TSPAN3: variants seen among roughly 807,000 people sequenced by gnomAD.
The protein encoded by TSPAN3 is tetraspanin 3, also known as tetraspanin-3.
In TSPAN3, 9 loss-of-function variants were observed where a neutral mutation model predicts 31.1. The ratio of observed to expected loss-of-function variants is 0.29; its 90% confidence interval spans 0.17 to 0.50. The LOEUF (loss-of-function observed/expected upper bound fraction) is 0.50, where lower values mean the gene tolerates loss of function less well. Ranked by LOEUF, TSPAN3 falls within the 20% of genes least tolerant of loss-of-function variation. TSPAN3 has a pLI of 0.98. For synonymous variants in TSPAN3, 129 were observed against 114.3 expected (o/e 1.13, Z -0.82); for missense variants, 252 against 313.5 (o/e 0.80, Z 1.48).
In TSPAN3 at chr15:77,071,068, C is replaced by CCGCAGCCCCTGCGCCGTCG. The variant is rs1272759858; in HGVS notation, c.-133_-115dup. 8.7e-6 allele frequency: 6 copies of CCGCAGCCCCTGCGCCGTCG among 686,684 alleles called. No homozygotes were observed. Among genetic ancestry groups the CCGCAGCCCCTGCGCCGTCG allele is most frequent in the African/African-American group, 5.8e-5 (3 of 52,028 alleles). 42.5% of individuals were successfully genotyped at this position (686,684 alleles called of 1,614,324 possible). ...AACTGCACGGCCTGCGCGGCGCTCC[C>CCGCAGCCCCTGCGCCGTCG]CGCAGCCCCTGCGCCGTCGCGCAGC... On this transcript the variant is annotated 5_prime_UTR_variant, in exon 1 of 7. Transcript: ENST00000267970.
intron 1 of TSPAN3, among the ~76,000 whole-genome samples, chr15:77,061,343 C>T (rs2152697205): frequency 6.6e-6 from 1 of 152,284 alleles, no homozygotes; most frequent in Non-Finnish European, 1.5e-5. Context: ...GCCTGACCAA[C>T]ATGCAGAAAC....
At chr15:77,060,905 A>C (rs1370405607) in intron 1 of TSPAN3, among the ~76,000 whole-genome samples, 3 of 152,212 alleles carry the variant, frequency 2.0e-5, no homozygotes, top group Non-Finnish European at 4.4e-5. Context: ...TTACAGAAAG[A>C]ATAATTTTTA....
At position 77,041,763 on chromosome 15, in the gene TSPAN3, G is replaced by A. The variant is rs1274016877; in HGVS notation, c.*5072C>T. ...AGTTCATGTAAAAATACATGACACAGGGTGATGAAAGTGCTTTGAAACTAG... is the reference window on the plus strand; with the variant it reads ...AGTTCATGTAAAAATACATGACACAAGGTGATGAAAGTGCTTTGAAACTAG... On this transcript the variant is annotated 3_prime_UTR_variant, in exon 7 of 7. Transcript: ENST00000267970. The A allele has an allele frequency of 1.3e-5, 2 of 152,180 alleles. No individual in the cohort carries two copies. Among genetic ancestry groups the A allele is most frequent in the Admixed American group, 6.5e-5 (1 of 15,276 alleles). The allele number at this position is 152,180 out of a possible 1,614,324, so 9.4% of individuals were successfully genotyped here. A position where few individuals can be genotyped will look rare whatever the true frequency, so the allele number is the denominator to read the frequency against.
Position 77,041,994 on chromosome 15 carries a change from A to G in TSPAN3, c.*4841T>C, listed in dbSNP as rs2076662914. The G allele has an allele frequency of 6.6e-6, 1 of 152,202 alleles. No homozygotes were observed. The highest frequency in any genetic ancestry group is 1.5e-5 in the Non-Finnish European group (1 of 68,038). The allele number at this position is 152,202 out of a possible 1,614,324, so 9.4% of individuals were successfully genotyped here. On this transcript the variant is annotated 3_prime_UTR_variant, in exon 7 of 7. Coordinates refer to ENST00000267970, the MANE Select transcript of TSPAN3 (RefSeq NM_005724.6). ...GGCAGCCTGCAGGCCTGCCCTTTATACACCTTGGTTAATCATGGTACTAAT... is the reference window on the plus strand; with the variant it reads ...GGCAGCCTGCAGGCCTGCCCTTTATGCACCTTGGTTAATCATGGTACTAAT...
intron 6 of TSPAN3, among the ~76,000 whole-genome samples, chr15:77,049,639 A>G (rs1189573522): frequency 1.3e-5 from 2 of 152,178 alleles, no homozygotes; most frequent in African/African-American, 4.8e-5. Flanking sequence ...TTTATATTCA[A>G]AAGTCCTGTT....
In TSPAN3 at chr15:77,046,959, G is replaced by C. The variant is rs539622072; in HGVS notation, c.670-32C>G. 8.5e-6 allele frequency: 13 copies of C among 1,525,562 alleles called. No homozygotes were observed. In the East Asian group the frequency reaches 2.9e-4, roughly 34 times the overall value. The allele number at this position is 1,525,562 out of a possible 1,614,324, so 94.5% of individuals were successfully genotyped here. A position where few individuals can be genotyped will look rare whatever the true frequency, so the allele number is the denominator to read the frequency against. The stretch of plus-strand genomic sequence containing the variant: ...AAAGAAAACAACAATGGGGAAAAAA[G>C]GCTGAAAACCCTCTCATGGCAGGTG... On this transcript the variant is annotated intron_variant, in intron 6 of 6. Transcript: ENST00000267970.
chr15:77,052,936 G>T lies in TSPAN3; in HGVS notation c.433-7C>A. Reference sequence around the variant, plus strand: ...GAATTCCACAACAATGCAGCTAAAGGAGAAGAGAATAAGTATTATTTCTCA... The same window carrying T: ...GAATTCCACAACAATGCAGCTAAAGTAGAAGAGAATAAGTATTATTTCTCA... On this transcript the variant is annotated splice_polypyrimidine_tract_variant and splice_region_variant and intron_variant, in intron 4 of 6. Coordinates refer to ENST00000267970, the MANE Select transcript of TSPAN3 (RefSeq NM_005724.6). 1 of 1,611,328 alleles carries T rather than the reference G, an allele frequency of 6.2e-7. No homozygotes were observed. The highest frequency in any genetic ancestry group is 1.1e-5 in the South Asian group (1 of 90,732).
At chr15:77,059,318 G>C (rs563345598) in intron 1 of TSPAN3, among the ~76,000 whole-genome samples, 11 of 152,164 alleles carry the variant, frequency 7.2e-5, no homozygotes, top group African/African-American at 1.2e-4. Flanking sequence ...TCCTGACCTC[G>C]TGATCCGCCC....
At chr15:77,063,298 AGTTT>A (rs984070523) in intron 1 of TSPAN3, 5 of 152,178 alleles carry the variant, frequency 3.3e-5, no homozygotes, top group African/African-American at 1.2e-4. Context: ...CAAGGAGACA[AGTTT>A]TTTTTAAAGT....
rs1031635643 is a variant in TSPAN3 at position 77,041,742 on chromosome 15, C to G, written c.*5093G>C. On this transcript the variant is annotated 3_prime_UTR_variant, in exon 7 of 7. Coordinates refer to ENST00000267970, the MANE Select transcript of TSPAN3 (RefSeq NM_005724.6). Reference sequence around the variant, plus strand: ...CTAACAAGAATCCACCCTTGGAGTTCATGTAAAAATACATGACACAGGGTG... The same window carrying G: ...CTAACAAGAATCCACCCTTGGAGTTGATGTAAAAATACATGACACAGGGTG... 1 of 152,108 alleles carries G rather than the reference C, an allele frequency of 6.6e-6. No homozygotes were observed. Among genetic ancestry groups the G allele is most frequent in the Non-Finnish European group, 1.5e-5 (1 of 68,024 alleles). 9.4% of individuals were successfully genotyped at this position (152,108 alleles called of 1,614,324 possible). A position where few individuals can be genotyped will look rare whatever the true frequency, so the allele number is the denominator to read the frequency against.
rs578251119 is a variant in TSPAN3 at position 77,065,509 on chromosome 15, C to T, written c.63+5383G>A. Among the ~76,000 whole-genome samples the T allele has an allele frequency of 5.3e-5, 8 of 152,274 alleles. No individual in the cohort carries two copies. The East Asian group carries it at 1.5e-3, about 29-fold the overall frequency. On this transcript the variant is annotated intron_variant, in intron 1 of 6. Transcript: ENST00000267970. ...TGGCTCGATCGCCGCTCACTACAAGCTCCGCCTCCCGGGTTCACGCCATGC... is the reference window on the plus strand; with the variant it reads ...TGGCTCGATCGCCGCTCACTACAAGTTCCGCCTCCCGGGTTCACGCCATGC...
rs933384540 is a variant in TSPAN3, at chr15:77,045,556, C to T, written c.*1279G>A. The stretch of plus-strand genomic sequence containing the variant: ...CTTTCCTGCTTCTCCAACTTCTTTC[C>T]CCAGCCTTGTATTTTAAGCTCCCTG... On this transcript the variant is annotated 3_prime_UTR_variant, in exon 7 of 7. Coordinates refer to ENST00000267970, the MANE Select transcript of TSPAN3 (RefSeq NM_005724.6). The T allele has an allele frequency of 1.3e-5, 2 of 152,396 alleles. No individual in the cohort carries two copies. Among genetic ancestry groups the T allele is most frequent in the Admixed American group, 6.5e-5 (1 of 15,278 alleles). 9.4% of individuals were successfully genotyped at this position (152,396 alleles called of 1,614,324 possible).
chr15:77,047,196 C>T (rs546688796), intron 6 of TSPAN3, among the ~76,000 whole-genome samples: 147 of 152,298 alleles, frequency 9.7e-4, no homozygotes, highest in African/African-American at 3.3e-3. Context: ...ACTAGTCTAG[C>T]GAGTGCTGTC....
At chr15:77,060,866 A>C (rs2076796387) in intron 1 of TSPAN3, among the ~76,000 whole-genome samples, 1 of 152,236 alleles carries the variant, frequency 6.6e-6, no homozygotes, top group African/African-American at 2.4e-5. Context: ...AAGTGAAAGG[A>C]AATTTAGGCA....
intron 6 of TSPAN3, among the ~76,000 whole-genome samples, chr15:77,047,391 G>C (rs1205104556): frequency 6.6e-6 from 1 of 152,196 alleles, no homozygotes; most frequent in Non-Finnish European, 1.5e-5. Flanking sequence ...GGCCTGGGGA[G>C]TAGAATGAGC....
chr15:77,064,766 A>G (rs1464949812), intron 1 of TSPAN3: 1 of 152,274 alleles, frequency 6.6e-6, no homozygotes, highest in Non-Finnish European at 1.5e-5. Context: ...GAAAAAGCAA[A>G]GTTAGCTGAA....
At chr15:77,056,915 G>C (rs2076772201) in intron 1 of TSPAN3, among the ~76,000 whole-genome samples, 4 of 152,218 alleles carry the variant, frequency 2.6e-5, no homozygotes, top group African/African-American at 7.2e-5. Flanking sequence ...TGAATAACAA[G>C]CAGATTGATT....
At position 77,046,694 on chromosome 15, in the gene TSPAN3, C is replaced by G; in HGVS notation, c.*141G>C. The G allele has an allele frequency of 3.3e-6, 2 of 602,896 alleles. No homozygotes were observed. Among genetic ancestry groups the G allele is most frequent in the Non-Finnish European group, 2.9e-6 (1 of 345,468 alleles). The allele number at this position is 602,896 out of a possible 1,614,324, so 37.3% of individuals were successfully genotyped here. ...CAGGTAGTAGGTAAGTAGGTGGGCA[C>G]ATGAAAAGCCAAGCTGCTCTGTCCA... On this transcript the variant is annotated 3_prime_UTR_variant, in exon 7 of 7. Transcript: ENST00000267970.
At chr15:77,053,845 C>T (rs948578145) in intron 4 of TSPAN3, among the ~76,000 whole-genome samples, 4 of 152,032 alleles carry the variant, frequency 2.6e-5, no homozygotes, top group African/African-American at 9.7e-5. Context: ...ATAGACCTCC[C>T]ACCTCCCCTG....
Sources: allele counts gnomAD v4.1 joint callset (sites outside exome capture counted in the v4.1 genomes callset), GRCh38; gene constraint gnomAD v4.1.1; transcripts MANE v1.5; gene names NCBI Gene and HGNC (gene_info 2026-07-23, HGNC 2026-07-21).